Variants in ADAM7 observed in about 807,000 individuals in gnomAD.
The protein encoded by ADAM7 is ADAM metallopeptidase domain 7.
In ADAM7, 97 loss-of-function variants were observed where a neutral mutation model predicts 102.9. The ratio of observed to expected loss-of-function variants is 0.94; its 90% CI spans 0.80 to 1.12. ADAM7 has a LOEUF of 1.12. Among genes scored for constraint, ADAM7 ranks in the 50% most tolerant of loss-of-function variants. The pLI is 0.00. For missense variants in ADAM7, 991 were observed against 908.7 expected (o/e 1.09, Z -1.16); for synonymous variants, 334 against 304.4 (o/e 1.10, Z -1.01).
chr8:24,454,482 G>A (rs1264137276), intron 3 of ADAM7, among the ~76,000 whole-genome samples: 1 of 152,196 alleles, frequency 6.6e-6, no homozygotes, highest in African/African-American at 2.4e-5. Flanking sequence ...ATCTCCTGGT[G>A]CGCCATTTTT....
At chr8:24,500,094 T>G (rs1820703406) in intron 17 of ADAM7, 84 bp from the exon 18 acceptor site, 1 of 1,200,250 alleles carries the variant, frequency 8.3e-7, no homozygotes, top group Non-Finnish European at 1.2e-6. Flanking sequence ...GTATGTTTGA[T>G]GTAGAGGTAG....
Position 24,441,097 on chromosome 8 carries a change from G to T in ADAM7, c.-12G>T. 6.2e-7 allele frequency: 1 copy of T among 1,612,722 alleles called. No homozygotes were observed. The highest frequency in any genetic ancestry group is 2.2e-5 in the East Asian group (1 of 44,872). ...CAAGCACTTCTGCTCTCCTCTACCA[G>T]AATCACTCAGAATGCTTCCCGGGTG... On this transcript the variant is annotated 5_prime_UTR_variant, in exon 1 of 22. Coordinates refer to ENST00000175238, the MANE Select transcript of ADAM7 (RefSeq NM_003817.4).
At chr8:24,493,365 G>A (rs1222962571) in intron 16 of ADAM7, 136 bp downstream of exon 16, 2 of 737,710 alleles carry the variant, frequency 2.7e-6, no homozygotes, top group Non-Finnish European at 4.1e-6. Flanking sequence ...TTTTAATGAG[G>A]AGCAGAGTAG....
chr8:24,473,872 C>G (rs777651327), intron 7 of ADAM7, among the ~76,000 whole-genome samples: 1 of 151,870 alleles, frequency 6.6e-6, no homozygotes, highest in Non-Finnish European at 1.5e-5. Flanking sequence ...TTTCAAATAT[C>G]TCAAATTTAT....
At chr8:24,461,694 C>G (rs1554539044) in intron 3 of ADAM7, among the ~76,000 whole-genome samples, 1 of 151,288 alleles carries the variant, frequency 6.6e-6, no homozygotes, top group Admixed American at 6.6e-5. Context: ...TTTTTTCTGT[C>G]TCTTTTTCAG....
chr8:24,479,781 A>T (rs1819887734), intron 8 of ADAM7, among the ~76,000 whole-genome samples: 2 of 152,194 alleles, frequency 1.3e-5, no homozygotes, highest in South Asian at 4.1e-4. Context: ...CTTTCTCATT[A>T]TCTGCCACAA....
At chr8:24,481,804 G>C (rs1232114287) in intron 8 of ADAM7, among the ~76,000 whole-genome samples, 1 of 152,188 alleles carries the variant, frequency 6.6e-6, no homozygotes, top group African/African-American at 2.4e-5. Flanking sequence ...GCCTGCCACT[G>C]TTAGTAAATT....
At chr8:24,467,103 G>T in intron 6 of ADAM7, 115 bp downstream of exon 6, 1 of 1,021,574 alleles carries the variant, frequency 9.8e-7, no homozygotes, top group Non-Finnish European at 1.4e-6. Flanking sequence ...TTTCAGTCTG[G>T]CACTTCATCT....
At chr8:24,465,610 A>G in intron 4 of ADAM7, 89 bp from the exon 5 acceptor site, 1 of 679,298 alleles carries the variant, frequency 1.5e-6, no homozygotes, top group Non-Finnish European at 2.2e-6. Flanking sequence ...TAAAACATTG[A>G]TATATTCTGA....
chr8:24,454,463 C>G (rs1028296075), intron 3 of ADAM7, among the ~76,000 whole-genome samples: 1 of 152,138 alleles, frequency 6.6e-6, no homozygotes, highest in Non-Finnish European at 1.5e-5. Flanking sequence ...GAGCCAGGTG[C>G]GGGATATAAT....
At chr8:24,455,157 A>G (rs1200104573) in intron 3 of ADAM7, among the ~76,000 whole-genome samples, 1 of 152,168 alleles carries the variant, frequency 6.6e-6, no homozygotes, top group Admixed American at 6.5e-5. Context: ...ATAAAATTTT[A>G]ACACACAGAG....
At chr8:24,492,899 G>A in intron 15 of ADAM7, 144 bp from the exon 16 acceptor site, 2 of 771,296 alleles carry the variant, frequency 2.6e-6, no homozygotes, top group South Asian at 2.4e-5. Flanking sequence ...ACTTTGCTCA[G>A]TGGTTTTCTC....
chr8:24,448,653 C>T (rs1343719524), intron 3 of ADAM7, among the ~76,000 whole-genome samples: 1 of 104,248 alleles, frequency 9.6e-6, no homozygotes, highest in African/African-American at 3.9e-5. Flanking sequence ...TTTCATTCAG[C>T]TTGTTTATTA....
intron 21 of ADAM7, 26 bp downstream of exon 21, chr8:24,507,561 T>C: frequency 6.3e-7 from 1 of 1,578,246 alleles, no homozygotes; most frequent in Non-Finnish European, 8.7e-7. Flanking sequence ...AGATAGTACC[T>C]CCCTTTTTTA....
At chr8:24,452,537 T>G (rs1210661447) in intron 3 of ADAM7, among the ~76,000 whole-genome samples, 1 of 151,964 alleles carries the variant, frequency 6.6e-6, no homozygotes, top group Non-Finnish European at 1.5e-5. Flanking sequence ...TTTGAGCCTA[T>G]GTGTGTCTCT....
intron 14 of ADAM7, 31 bp downstream of exon 14, chr8:24,492,129 C>T (rs770799807): frequency 1.3e-6 from 2 of 1,586,444 alleles, no homozygotes; most frequent in South Asian, 2.3e-5. Context: ...AGTATTCACA[C>T]AGATGGTGGC....
chr8:24,485,469 CTAAGA>C, intron 10 of ADAM7, 108 bp downstream of exon 10: 3 of 882,100 alleles, frequency 3.4e-6, no homozygotes, highest in Non-Finnish European at 5.2e-6. Flanking sequence ...TATATACTCA[CTAAGA>C]TATGTCATGA....
intron 6 of ADAM7, chr8:24,467,257 T>C: frequency 2.1e-6 from 1 of 487,054 alleles, no homozygotes; most frequent in Non-Finnish European, 3.6e-6. Context: ...TTGGAAATCA[T>C]GAAATTTTCA....
rs60219377 is a variant in ADAM7, at chr8:24,477,569, A to AGTGTGTGAGT, written c.705+1072_705+1073insAGTGTGTGTG. 3.0e-3 allele frequency among the ~76,000 whole-genome samples: 430 copies of AGTGTGTGAGT among 145,672 alleles called. 2 individuals are homozygous for AGTGTGTGAGT. The highest frequency in any genetic ancestry group is 0.014 in the Middle Eastern group (4 of 290). On this transcript the variant is annotated intron_variant, in intron 8 of 21. Coordinates refer to ENST00000175238, the MANE Select transcript of ADAM7 (RefSeq NM_003817.4). Reference sequence around the variant, plus strand: ...TGTGTCCCTTGGGCATACCCTCATCAGTGTGTGTGTGTGTGTGTGTGTGTG... The same window carrying AGTGTGTGAGT: ...TGTGTCCCTTGGGCATACCCTCATCAGTGTGTGAGTGTGTGTGTGTGTGTGTGTGTGTGTG...
Sources: gnomAD v4.1 joint callset for allele counts (sites outside exome capture counted in the v4.1 genomes callset) on GRCh38, gnomAD v4.1.1 for gene constraint, MANE v1.5 for transcripts, NCBI Gene and HGNC (gene_info 2026-07-23, HGNC 2026-07-21) for gene names.